The following DPP10 variants were observed in gnomAD, a reference collection of about 807,000 sequenced individuals.
DPP10 encodes dipeptidyl peptidase like 10.
DPP10 carries 33 observed loss-of-function variants against 120.9 expected under a neutral mutation model. The ratio of observed to expected loss-of-function variants is 0.27; its 90% CI spans 0.21 to 0.37. The LOEUF is 0.37. DPP10 is among the 10% of genes least tolerant of loss of function. DPP10 has a pLI of 1.00. For synonymous variants in DPP10, 337 were observed against 326.1 expected, an observed-to-expected ratio of 1.03 and a Z score of -0.36; for missense variants, 816 against 942.8, an observed-to-expected ratio of 0.87 and a Z score of 1.76.
chr2:115,251,098 G>T (rs1460972665), intron 1 of DPP10, among the ~76,000 whole-genome samples: 1 of 152,166 alleles, frequency 6.6e-6, no homozygotes. Context: ...AGTGGTAGCT[G>T]CCAGGGATAG....
chr2:115,669,113 T>C (rs2089678383), intron 5 of DPP10, among the ~76,000 whole-genome samples: 1 of 152,136 alleles, frequency 6.6e-6, no homozygotes, highest in Non-Finnish European at 1.5e-5. Flanking sequence ...GGGGAATATG[T>C]GTTATTGTTA....
intron 5 of DPP10, among the ~76,000 whole-genome samples, chr2:115,603,560 G>GTTTTTTT (rs10637786): frequency 1.0e-4 from 13 of 126,398 alleles, no homozygotes; most frequent in East Asian, 5.0e-4. Flanking sequence ...CGTTGTTGTT[G>GTTTTTTT]TTTTTTTTTG....
At chr2:114,703,263 C>A (rs1700494241) in intron 1 of DPP10, among the ~76,000 whole-genome samples, 3 of 152,022 alleles carry the variant, frequency 2.0e-5, no homozygotes, top group Admixed American at 2.0e-4. Flanking sequence ...AAGAACTATG[C>A]TTCTTGTTCT....
chr2:114,820,584 C>T (rs572895560), intron 1 of DPP10, among the ~76,000 whole-genome samples: 27 of 152,206 alleles, frequency 1.8e-4, no homozygotes, highest in Admixed American at 1.8e-3. Flanking sequence ...GCTGGGGAGG[C>T]CTCAGGAAAT....
intron 1 of DPP10, among the ~76,000 whole-genome samples, chr2:114,452,674 A>G (rs1187758579): frequency 6.6e-6 from 1 of 152,170 alleles, no homozygotes; most frequent in Non-Finnish European, 1.5e-5. Flanking sequence ...ATCAGAAAAT[A>G]ACAGAAAAAT....
At chr2:114,959,593 A>G (rs1283826538) in intron 1 of DPP10, among the ~76,000 whole-genome samples, 3 of 152,194 alleles carry the variant, frequency 2.0e-5, no homozygotes, top group Non-Finnish European at 4.4e-5. Flanking sequence ...TATACCTAGG[A>G]GTGGAATCAC....
At chr2:114,612,778 T>C (rs1473408234) in intron 1 of DPP10, among the ~76,000 whole-genome samples, 3 of 152,188 alleles carry the variant, frequency 2.0e-5, no homozygotes, top group South Asian at 2.1e-4. Context: ...GCCTCCAAGA[T>C]GTATGTTCTT....
chr2:115,425,112 G>T (rs1308541009), intron 3 of DPP10, among the ~76,000 whole-genome samples: 1 of 152,062 alleles, frequency 6.6e-6, no homozygotes, highest in Non-Finnish European at 1.5e-5. Flanking sequence ...ATGAATGAGG[G>T]GCTCTAGCAG....
At chr2:114,505,391 G>T (rs184649652) in intron 1 of DPP10, among the ~76,000 whole-genome samples, 15 of 151,928 alleles carry the variant, frequency 9.9e-5, no homozygotes, top group Admixed American at 2.0e-4. Flanking sequence ...TTGATTCCCA[G>T]TCTCTGGTGA....
intron 1 of DPP10, among the ~76,000 whole-genome samples, chr2:114,915,564 C>T (rs1051322859): frequency 6.6e-6 from 1 of 152,094 alleles, no homozygotes; most frequent in African/African-American, 2.4e-5. Context: ...GCATATGGCA[C>T]ATAATCTAAA....
chr2:115,367,288 G>A (rs751647906), intron 3 of DPP10, among the ~76,000 whole-genome samples: 3 of 151,786 alleles, frequency 2.0e-5, no homozygotes, highest in Non-Finnish European at 4.4e-5. Flanking sequence ...CTACTTTTTG[G>A]CAACATAGCC....
intron 5 of DPP10, among the ~76,000 whole-genome samples, chr2:115,655,465 T>C (rs1368795112): frequency 6.6e-6 from 1 of 151,698 alleles, no homozygotes; most frequent in East Asian, 1.9e-4. Context: ...AATCATTTTA[T>C]ATAAATTTAG....
At chr2:115,140,516 G>A (rs140916896) in intron 1 of DPP10, among the ~76,000 whole-genome samples, 261 of 152,310 alleles carry the variant, frequency 1.7e-3, no homozygotes, top group African/African-American at 6.0e-3. Flanking sequence ...TTTTTGAGTA[G>A]AGTGATGTGA....
intron 1 of DPP10, among the ~76,000 whole-genome samples, chr2:115,002,316 C>A (rs1376810909): frequency 6.6e-6 from 1 of 152,058 alleles, no homozygotes; most frequent in Non-Finnish European, 1.5e-5. Context: ...AACTGATTAG[C>A]CATACGGAGT....
chr2:115,112,970 GTC>G (rs2049306788), intron 1 of DPP10, among the ~76,000 whole-genome samples: 1 of 152,002 alleles, frequency 6.6e-6, no homozygotes, highest in African/African-American at 2.4e-5. Flanking sequence ...TGGTCTATGA[GTC>G]ATTATTTCAT....
chr2:115,562,260 C>T (rs758433609), intron 5 of DPP10, among the ~76,000 whole-genome samples: 2 of 152,090 alleles, frequency 1.3e-5, no homozygotes, highest in Admixed American at 6.6e-5. Flanking sequence ...GATTCTGGCT[C>T]GCTCTTTCTC....
In DPP10 at chr2:115,588,435, G is replaced by A. The variant is rs554811821; in HGVS notation, c.441+62463G>A. On this transcript the variant is annotated intron_variant, in intron 5 of 25. Transcript: ENST00000410059. Reference sequence around the variant, plus strand: ...ATTTGTAATACAGAGGCTTCATAACGGCTTCAATATATGATGGAGTTGGCT... The same window carrying A: ...ATTTGTAATACAGAGGCTTCATAACAGCTTCAATATATGATGGAGTTGGCT... Among the ~76,000 whole-genome samples the A allele has an allele frequency of 4.6e-5, 7 of 152,034 alleles. 1 individual carries two copies. The East Asian group carries it at 1.4e-3, about 29-fold the overall frequency.
intron 1 of DPP10, chr2:114,828,436 T>C (rs1248155793): frequency 6.6e-6 from 1 of 152,224 alleles, no homozygotes; most frequent in African/African-American, 2.4e-5. Context: ...TATTTCTACA[T>C]GCACACAAAT....
intron 3 of DPP10, among the ~76,000 whole-genome samples, chr2:115,407,957 A>G (rs2068649209): frequency 6.6e-6 from 1 of 152,100 alleles, no homozygotes; most frequent in Non-Finnish European, 1.5e-5. Context: ...ATGAATGGCT[A>G]CTCATCTAGA....
Sources: gnomAD v4.1 joint callset for allele counts (sites outside exome capture counted in the v4.1 genomes callset) on GRCh38, gnomAD v4.1.1 for gene constraint, MANE v1.5 for transcripts, NCBI Gene and HGNC (gene_info 2026-07-23, HGNC 2026-07-21) for gene names.